AIM2: variants seen among roughly 807,000 people sequenced by gnomAD.
AIM2 encodes the protein absent in melanoma 2, also known as interferon-inducible protein AIM2.
In AIM2, 30 loss-of-function variants were observed where a neutral mutation model predicts 27.7. The ratio of observed to expected loss-of-function variants is 1.08; its 90% CI spans 0.81 to 1.47. The LOEUF (loss-of-function observed/expected upper bound fraction) is 1.47. Among genes scored for constraint, AIM2 ranks in the 40% most tolerant of loss-of-function variants. The pLI is 0.00. For synonymous variants in AIM2, 141 were observed against 145.3 expected (o/e 0.97, Z 0.21); for missense variants, 358 against 411.3 (o/e 0.87, Z 1.12).
At chr1:159,070,372 G>A (rs528788703) in intron 2 of AIM2, among the ~76,000 whole-genome samples, 1 of 152,250 alleles carries the variant, frequency 6.6e-6, no homozygotes, top group East Asian at 1.9e-4. Context: ...GTGGCATGTT[G>A]GCTCCTCACT....
intron 1 of AIM2, among the ~76,000 whole-genome samples, chr1:159,090,107 C>G (rs756932384): frequency 3.2e-4 from 49 of 152,178 alleles, no homozygotes; most frequent in Non-Finnish European, 6.3e-4. Context: ...CATCCCAGCT[C>G]TAGGGTTCCC....
At chr1:159,082,126 GA>G (rs144462888) in intron 1 of AIM2, among the ~76,000 whole-genome samples, 5,581 of 152,240 alleles carry the variant, frequency 0.037, 243 homozygotes, top group African/African-American at 0.1. Context: ...CATATCTGAG[GA>G]TTAGGAATAA....
At chr1:159,097,201 A>G (rs1459478171) in intron 1 of AIM2, among the ~76,000 whole-genome samples, 1 of 152,030 alleles carries the variant, frequency 6.6e-6, no homozygotes, top group Non-Finnish European at 1.5e-5. Flanking sequence ...GTGCCAATAC[A>G]TCAGATTCTC....
At chr1:159,061,454 G>A (rs866715696), downstream of AIM2, among the ~76,000 whole-genome samples, 8 of 151,726 alleles carry the variant, frequency 5.3e-5, no homozygotes, top group East Asian at 3.9e-4. Flanking sequence ...GTGCAATGGC[G>A]CAATCTCAGC....
intron 1 of AIM2, among the ~76,000 whole-genome samples, chr1:159,085,998 GTATACTGTAAA>G (rs1236115033): frequency 1.3e-5 from 2 of 152,158 alleles, no homozygotes; most frequent in Admixed American, 6.5e-5. Flanking sequence ...ACATCACGTT[GTATACTGTAAA>G]TATACAATTT....
chr1:159,115,060 C>T (rs1329275229), intron 1 of AIM2, among the ~76,000 whole-genome samples: 8 of 151,834 alleles, frequency 5.3e-5, no homozygotes, highest in South Asian at 2.1e-4. Context: ...GAGAGCCAAA[C>T]CATGAGTGAA....
At chr1:159,132,528 C>G in intron 1 of AIM2, among the ~76,000 whole-genome samples, 1 of 152,148 alleles carries the variant, frequency 6.6e-6, no homozygotes, top group East Asian at 1.9e-4. Context: ...CTCAGACACA[C>G]CCACATTTCA....
chr1:159,100,489 G>A (rs1215330932), intron 1 of AIM2, among the ~76,000 whole-genome samples: 1 of 152,122 alleles, frequency 6.6e-6, no homozygotes, highest in African/African-American at 2.4e-5. Flanking sequence ...AGGAACAATG[G>A]GTCAGTTGGA....
chr1:159,056,865 G>A, the AIM2 span, among the ~76,000 whole-genome samples: 2 of 151,798 alleles, frequency 1.3e-5, no homozygotes, highest in Non-Finnish European at 2.9e-5. Flanking sequence ...TGACGGGAGT[G>A]TCCCGTAGTA....
chr1:159,133,503 T>C (rs906362550), intron 1 of AIM2, among the ~76,000 whole-genome samples: 1 of 152,230 alleles, frequency 6.6e-6, no homozygotes. Flanking sequence ...GTTGCCTATA[T>C]GCATTCTTTG....
At chr1:159,128,288 C>CA (rs1017076925) in intron 1 of AIM2, among the ~76,000 whole-genome samples, 1 of 151,744 alleles carries the variant, frequency 6.6e-6, no homozygotes, top group Non-Finnish European at 1.5e-5. Context: ...CACACACACA[C>CA]ACCACCCCAA....
intron 1 of AIM2, among the ~76,000 whole-genome samples, chr1:159,093,438 T>A (rs72709591): frequency 0.031 from 4,795 of 152,308 alleles, 105 homozygotes; most frequent in Non-Finnish European, 0.045. Context: ...GTTTGGAACA[T>A]AATGCTGTAT....
intron 1 of AIM2, among the ~76,000 whole-genome samples, chr1:159,095,456 T>C (rs1657159786): frequency 6.6e-6 from 1 of 152,214 alleles, no homozygotes; most frequent in Admixed American, 6.5e-5. Flanking sequence ...AGTAAGAGCA[T>C]TGAGACCTTG....
intron 1 of AIM2, among the ~76,000 whole-genome samples, chr1:159,132,073 C>T (rs967578238): frequency 6.6e-6 from 1 of 151,420 alleles, no homozygotes; most frequent in South Asian, 2.1e-4. Context: ...ACTTGCCAGG[C>T]GTGGTGGCTC....
intron 1 of AIM2, among the ~76,000 whole-genome samples, chr1:159,092,899 A>G (rs1375396066): frequency 6.6e-6 from 1 of 151,970 alleles, no homozygotes; most frequent in Non-Finnish European, 1.5e-5. Flanking sequence ...GGTGGTGGGC[A>G]CCTGTAATCC....
At chr1:159,107,963 C>T (rs533218682) in intron 1 of AIM2, among the ~76,000 whole-genome samples, 5 of 152,284 alleles carry the variant, frequency 3.3e-5, no homozygotes, top group African/African-American at 1.2e-4. Context: ...CAGCAGAATT[C>T]TACCAGACAT....
In AIM2 at chr1:159,102,749, C is replaced by G. The variant is rs139137151; in HGVS notation, c.-15-36420G>C. Reference sequence around the variant, plus strand: ...GGGCCTGTAGCCCCTTCTTTTTGGCCAATTTCTCCCATTTGGAATGAGTGT... The same window carrying G: ...GGGCCTGTAGCCCCTTCTTTTTGGCGAATTTCTCCCATTTGGAATGAGTGT... On this transcript the variant is annotated intron_variant, in intron 1 of 2. Transcript: ENST00000368129. Among the ~76,000 whole-genome samples, 728 of 152,304 alleles carry G rather than the reference C, an allele frequency of 4.8e-3. 4 individuals are homozygous for G. The highest frequency in any genetic ancestry group is 0.017 in the African/African-American group (693 of 41,574).
upstream of AIM2, among the ~76,000 whole-genome samples, chr1:159,141,763 C>A (rs375993008): frequency 9.2e-5 from 14 of 151,924 alleles, no homozygotes; most frequent in Non-Finnish European, 8.8e-5. Flanking sequence ...CAGCATCCTG[C>A]TCTCTGAGCG....
At chr1:159,084,729 C>T (rs1409337330) in intron 1 of AIM2, among the ~76,000 whole-genome samples, 1 of 150,498 alleles carries the variant, frequency 6.6e-6, no homozygotes, top group African/African-American at 2.4e-5. Flanking sequence ...GAGTGGTGAT[C>T]AAACCACTGC....
Sources: gnomAD v4.1 joint callset for allele counts (sites outside exome capture counted in the v4.1 genomes callset) on GRCh38, gnomAD v4.1.1 for gene constraint, MANE v1.5 for transcripts, NCBI Gene and HGNC (gene_info 2026-07-23, HGNC 2026-07-21) for gene names.